The following MED6 variants were observed in gnomAD, a reference collection of about 807,000 sequenced individuals.
MED6 encodes mediator complex subunit 6.
Under a neutral mutation model 37.5 loss-of-function variants are expected in MED6, and 33 were observed. The ratio of observed to expected loss-of-function variants is 0.88; its 90% confidence interval spans 0.67 to 1.18. The LOEUF is 1.18. MED6 is among the 50% of genes most tolerant of loss of function. The pLI is 0.00. For missense variants in MED6, 235 were observed against 290.6 expected (o/e 0.81, Z 1.39); for synonymous variants, 94 against 93.6 (o/e 1.00, Z -0.02).
chr14:70,584,278 C>A lies in MED6; in HGVS notation c.*535G>T. Reference sequence around the variant, plus strand: ...TTATTTTGCTTTTAAACATATCTACCAGTAAACATGTGAGTGTGTAGGTTG... The same window carrying A: ...TTATTTTGCTTTTAAACATATCTACAAGTAAACATGTGAGTGTGTAGGTTG... On this transcript the variant is annotated 3_prime_UTR_variant, in exon 8 of 8. Transcript: ENST00000256379. 1.6e-6 allele frequency: 1 copy of A among 633,976 alleles called. No homozygotes were observed. Among genetic ancestry groups the A allele is most frequent in the Non-Finnish European group, 2.8e-6 (1 of 353,830 alleles). The allele number at this position is 633,976 out of a possible 1,614,324, so 39.3% of individuals were successfully genotyped here. A position where few individuals can be genotyped will look rare whatever the true frequency, so the allele number is the denominator to read the frequency against.
chr14:70,584,445 A>G lies in MED6; in HGVS notation c.*368T>C, dbSNP rs1252320591. 6.0e-6 allele frequency: 2 copies of G among 330,718 alleles called. No individual in the cohort carries two copies. Among genetic ancestry groups the G allele is most frequent in the Non-Finnish European group, 1.1e-5 (2 of 181,972 alleles). The allele number at this position is 330,718 out of a possible 1,614,324, so 20.5% of individuals were successfully genotyped here. On this transcript the variant is annotated 3_prime_UTR_variant, in exon 8 of 8. Transcript: ENST00000256379. ...GCTGGAGTGCAACAGCATGATAATC[A>G]GCTCAGGGCAACCTCCACCTCCCGG...
chr14:70,592,498 T>TTTTTC (rs1555359010), intron 5 of MED6: 106 of 137,496 alleles, frequency 7.7e-4, no homozygotes, highest in African/African-American at 2.9e-3. Flanking sequence ...TTTTTTTTTT[T>TTTTTC]TTTTTTTTTT....
intron 6 of MED6, among the ~76,000 whole-genome samples, chr14:70,590,865 G>A (rs1884849228): frequency 6.6e-6 from 1 of 152,126 alleles, no homozygotes; most frequent in South Asian, 2.1e-4. Context: ...TGTTCTTTTT[G>A]TTACACAAGT....
At chr14:70,588,593 C>G (rs910629524) in intron 6 of MED6, among the ~76,000 whole-genome samples, 2 of 151,274 alleles carry the variant, frequency 1.3e-5, no homozygotes, top group African/African-American at 4.8e-5. Flanking sequence ...GGCTGAGGCA[C>G]GAGAATGGCG....
At chr14:70,594,481 TG>T in intron 3 of MED6, 1 of 306,852 alleles carries the variant, frequency 3.3e-6, no homozygotes. Context: ...TGGACTGATG[TG>T]AAAAAAAAAG....
intron 6 of MED6, among the ~76,000 whole-genome samples, chr14:70,589,664 G>C (rs893250310): frequency 6.6e-6 from 1 of 152,186 alleles, no homozygotes; most frequent in African/African-American, 2.4e-5. Context: ...GTAATGGGTT[G>C]TAAGTTTAAA....
At chr14:70,592,782 C>T (rs979942678) in intron 5 of MED6, 98 bp downstream of exon 5, 11 of 1,356,480 alleles carry the variant, frequency 8.1e-6, no homozygotes, top group Middle Eastern at 3.7e-4. Context: ...AAAAGTGAAA[C>T]ACACTTAGAA....
chr14:70,599,667 T>C (rs926942334), intron 1 of MED6, among the ~76,000 whole-genome samples: 13 of 152,222 alleles, frequency 8.5e-5, no homozygotes, highest in African/African-American at 2.2e-4. Flanking sequence ...ACTCTTATTT[T>C]AGAGTCTTTG....
intron 6 of MED6, among the ~76,000 whole-genome samples, chr14:70,590,401 CA>C (rs1884833837): frequency 1.3e-5 from 2 of 152,162 alleles, no homozygotes; most frequent in African/African-American, 4.8e-5. Context: ...TCCTGAGTTC[CA>C]TCTTGTGTCC....
At chr14:70,592,275 T>G (rs1884895320) in intron 5 of MED6, among the ~76,000 whole-genome samples, 1 of 152,122 alleles carries the variant, frequency 6.6e-6, no homozygotes, top group Admixed American at 6.5e-5. Flanking sequence ...TTGGAGGACC[T>G]GGAGCCACAA....
intron 6 of MED6, among the ~76,000 whole-genome samples, chr14:70,590,138 G>A (rs989324543): frequency 7.2e-5 from 11 of 152,112 alleles, no homozygotes; most frequent in Admixed American, 6.5e-5. Context: ...GGCTAGCTGT[G>A]TTTCAAATGC....
intron 5 of MED6, chr14:70,591,607 CT>C: frequency 2.5e-6 from 1 of 401,364 alleles, no homozygotes; most frequent in Non-Finnish European, 4.4e-6. Context: ...ATACATATGT[CT>C]TTTAAAGATA....
chr14:70,585,045 G>A (rs1884663921), intron 7 of MED6, 102 bp from the exon 8 acceptor site: 1 of 1,317,242 alleles, frequency 7.6e-7, no homozygotes, highest in South Asian at 1.4e-5. Flanking sequence ...ATTTTTAACT[G>A]CTTATCTCAA....
rs142443397 is a variant in MED6, at chr14:70,588,100, G to A, written c.583-2317C>T. ...AAAGAGGAGTTCATATGAGCTAAAA[G>A]AAGTTCTGGGAGACTTGCAGTAGAT... On this transcript the variant is annotated intron_variant, in intron 6 of 7. Transcript: ENST00000256379. 4.7e-3 allele frequency among the ~76,000 whole-genome samples: 709 copies of A among 152,308 alleles called. 8 individuals are homozygous for A. The highest frequency in any genetic ancestry group is 0.016 in the African/African-American group (670 of 41,576).
intron 5 of MED6, chr14:70,591,611 T>C: frequency 5.2e-6 from 2 of 388,152 alleles, no homozygotes; most frequent in Non-Finnish European, 9.2e-6. Flanking sequence ...ATATGTCTTT[T>C]AAAGATACTT....
intron 3 of MED6, chr14:70,594,647 C>A (rs1884986936): frequency 2.3e-6 from 1 of 436,614 alleles, no homozygotes; most frequent in Non-Finnish European, 4.4e-6. Flanking sequence ...GCAGCACGGC[C>A]AGCGTCTATA....
chr14:70,596,819 A>G, intron 2 of MED6, 117 bp from the exon 3 acceptor site: 1 of 700,498 alleles, frequency 1.4e-6, no homozygotes, highest in Non-Finnish European at 2.3e-6. Context: ...AAAACTGCCT[A>G]TGTTTGGTGT....
rs763886531 is a variant in MED6 at position 70,584,986 on chromosome 14, G to A, written c.611-43C>T. The A allele has an allele frequency of 1.8e-5, 29 of 1,590,736 alleles. 1 individual carries two copies. In the Middle Eastern group the frequency reaches 5.3e-4, roughly 29 times the overall value. ...ATTTTTTGGGAGGGAGATATGGGTG[G>A]GGGGAATGAGATAAATGGTTAATAT... On this transcript the variant is annotated intron_variant, in intron 7 of 7. Coordinates refer to ENST00000256379, the MANE Select transcript of MED6 (RefSeq NM_005466.4).
chr14:70,590,217 C>T (rs1884828153), intron 6 of MED6, among the ~76,000 whole-genome samples: 4 of 152,190 alleles, frequency 2.6e-5, no homozygotes, highest in South Asian at 2.1e-4. Flanking sequence ...CCCTGGCCTA[C>T]CTAGCATACA....
Sources: gnomAD v4.1 joint callset for allele counts (sites outside exome capture counted in the v4.1 genomes callset) on GRCh38, gnomAD v4.1.1 for gene constraint, MANE v1.5 for transcripts, NCBI Gene and HGNC (gene_info 2026-07-23, HGNC 2026-07-21) for gene names.